Variants in CHSY3 observed in about 807,000 individuals in gnomAD.
CHSY3 encodes the protein chondroitin sulfate synthase 3.
Under a neutral mutation model 67.2 loss-of-function variants are expected in CHSY3, and 35 were observed. The observed-to-expected ratio is 0.52, with a 90% CI of 0.40 to 0.69. CHSY3 has a LOEUF of 0.69. CHSY3 is among the 30% of genes least tolerant of loss of function. The pLI, the probability that CHSY3 is intolerant of heterozygous loss-of-function variation, is 0.00. For missense variants in CHSY3, 1,069 were observed against 1,138.5 expected (o/e 0.94, Z 0.88); for synonymous variants, 474 against 434.7 (o/e 1.09, Z -1.12).
chr5:130,004,679 AG>A (rs1269695132), intron 2 of CHSY3, among the ~76,000 whole-genome samples: 1 of 152,206 alleles, frequency 6.6e-6, no homozygotes, highest in African/African-American at 2.4e-5. Flanking sequence ...AATTATTTGC[AG>A]GTTTCTAATA....
intron 2 of CHSY3, among the ~76,000 whole-genome samples, chr5:129,995,572 T>C (rs1223774469): frequency 6.6e-6 from 1 of 151,508 alleles, no homozygotes; most frequent in African/African-American, 2.4e-5. Context: ...GCAGTGGCTG[T>C]GTACTTTTAA....
At chr5:129,997,094 C>A (rs2149635268) in intron 2 of CHSY3, among the ~76,000 whole-genome samples, 1 of 148,128 alleles carries the variant, frequency 6.8e-6, no homozygotes, top group East Asian at 2.0e-4. Flanking sequence ...TACCAAAGTG[C>A]ATATTTCTCA....
chr5:130,042,239 A>AT (rs1305504601), intron 2 of CHSY3, among the ~76,000 whole-genome samples: 10 of 151,750 alleles, frequency 6.6e-5, no homozygotes, highest in South Asian at 6.2e-4. Flanking sequence ...CTGTCTCCAA[A>AT]TTTTTTTTTA....
Position 130,065,220 on chromosome 5 carries a change from T to C in CHSY3, c.1087-119009T>C, listed in dbSNP as rs538500554. On this transcript the variant is annotated intron_variant, in intron 2 of 2. Transcript: ENST00000305031. ...GTGTTCATTATTTTGAAAGAATAAA[T>C]CCACTTTAAAATAAGAAGAACACCT... Among the ~76,000 whole-genome samples, 9 of 152,230 alleles carry C rather than the reference T, an allele frequency of 5.9e-5. No individual in the cohort carries two copies. The South Asian group carries it at 1.9e-3, about 32-fold the overall frequency.
At chr5:130,170,574 AT>A (rs1769870607) in intron 2 of CHSY3, among the ~76,000 whole-genome samples, 1 of 152,128 alleles carries the variant, frequency 6.6e-6, no homozygotes, top group Non-Finnish European at 1.5e-5. Flanking sequence ...ACTGTTTTCC[AT>A]GGAGGTTGAA....
chr5:130,062,034 G>T (rs143714657), intron 2 of CHSY3, among the ~76,000 whole-genome samples: 1 of 151,912 alleles, frequency 6.6e-6, no homozygotes, highest in Non-Finnish European at 1.5e-5. Flanking sequence ...CCCAGCAACC[G>T]CCACTACTGG....
At chr5:130,090,212 CAA>C (rs991362175) in intron 2 of CHSY3, among the ~76,000 whole-genome samples, 2 of 152,116 alleles carry the variant, frequency 1.3e-5, no homozygotes, top group Non-Finnish European at 2.9e-5. Flanking sequence ...TGGAGAGTTA[CAA>C]GAGAGAGAAG....
chr5:130,121,423 A>G (rs1184091692), intron 2 of CHSY3, among the ~76,000 whole-genome samples: 2 of 152,192 alleles, frequency 1.3e-5, no homozygotes, highest in Non-Finnish European at 2.9e-5. Context: ...AGAGTTGTGA[A>G]TTGTATTTTT....
intron 2 of CHSY3, among the ~76,000 whole-genome samples, chr5:130,155,123 G>T (rs1418998929): frequency 6.6e-6 from 1 of 152,222 alleles, no homozygotes; most frequent in Non-Finnish European, 1.5e-5. Flanking sequence ...TCTGTAGGAG[G>T]CATTTCCTAG....
chr5:129,919,845 G>A (rs993299968), intron 2 of CHSY3, among the ~76,000 whole-genome samples: 3 of 152,130 alleles, frequency 2.0e-5, no homozygotes, highest in Non-Finnish European at 2.9e-5. Context: ...AGTTGTATAT[G>A]TATGTATAAG....
intron 2 of CHSY3, among the ~76,000 whole-genome samples, chr5:130,022,286 A>G (rs1480374767): frequency 6.6e-6 from 1 of 152,070 alleles, no homozygotes; most frequent in African/African-American, 2.4e-5. Context: ...ATTCTGTAGC[A>G]TAGTTACGTT....
chr5:130,044,464 CAG>C (rs1765088563), intron 2 of CHSY3, among the ~76,000 whole-genome samples: 1 of 152,048 alleles, frequency 6.6e-6, no homozygotes, highest in East Asian at 1.9e-4. Flanking sequence ...GTAGGAGAAA[CAG>C]AGGAAAGCAG....
chr5:130,052,191 C>G (rs1489437241), intron 2 of CHSY3: 1 of 152,188 alleles, frequency 6.6e-6, no homozygotes, highest in Non-Finnish European at 1.5e-5. Context: ...TCCCTGTCAC[C>G]TAATCTCTCT....
chr5:130,096,866 T>A (rs1468406515), intron 2 of CHSY3, among the ~76,000 whole-genome samples: 2 of 152,188 alleles, frequency 1.3e-5, no homozygotes, highest in African/African-American at 4.8e-5. Context: ...GCCCGAATTG[T>A]CCAGAAATTA....
intron 2 of CHSY3, among the ~76,000 whole-genome samples, chr5:130,176,862 G>A (rs1285876825): frequency 1.3e-5 from 2 of 152,024 alleles, no homozygotes; most frequent in Non-Finnish European, 2.9e-5. Context: ...ACTAGGGGAG[G>A]GATAGCATTA....
chr5:130,173,601 A>T (rs1769959913), intron 2 of CHSY3, among the ~76,000 whole-genome samples: 1 of 152,144 alleles, frequency 6.6e-6, no homozygotes, highest in Non-Finnish European at 1.5e-5. Context: ...TCAAGGTGTT[A>T]TTATTTTTAG....
chr5:130,073,703 A>G (rs1169907390), intron 2 of CHSY3, among the ~76,000 whole-genome samples: 1 of 152,144 alleles, frequency 6.6e-6, no homozygotes, highest in Non-Finnish European at 1.5e-5. Context: ...AATTTTCAAA[A>G]ATAAAAATGT....
At chr5:129,977,144 G>A (rs191432001) in intron 2 of CHSY3, among the ~76,000 whole-genome samples, 33 of 152,088 alleles carry the variant, frequency 2.2e-4, no homozygotes, top group Middle Eastern at 6.8e-3. Flanking sequence ...ACATAGTTTT[G>A]GGTAAAGGGA....
At chr5:130,143,756 A>ATATATATATATATATGTGTG (rs1433405052) in intron 2 of CHSY3, among the ~76,000 whole-genome samples, 1 of 101,938 alleles carries the variant, frequency 9.8e-6, no homozygotes, top group African/African-American at 4.8e-5. Flanking sequence ...ATATATATAT[A>ATATATATATATATATGTGTG]TGTGTGTGTG....
Sources: gnomAD v4.1 joint callset for allele counts (sites outside exome capture counted in the v4.1 genomes callset) on GRCh38, gnomAD v4.1.1 for gene constraint, MANE v1.5 for transcripts, NCBI Gene and HGNC (gene_info 2026-07-23, HGNC 2026-07-21) for gene names.